Variants in EXOC6 observed in about 807,000 individuals in gnomAD.
EXOC6 encodes the protein exocyst complex component 6, also known as SEC15-like 1.
In EXOC6, 60 loss-of-function variants were observed where a neutral mutation model predicts 112.5. That is an observed-to-expected ratio of 0.53 (90% CI 0.43 to 0.66). EXOC6 has a LOEUF of 0.66. EXOC6 is among the 30% of genes least tolerant of loss of function. The probability of loss-of-function intolerance (pLI) is 0.00; values close to 1 mark genes in which losing one functional copy is unlikely to be tolerated. For synonymous variants in EXOC6, 295 were observed against 308.0 expected, an observed-to-expected ratio of 0.96 and a Z score of 0.44; for missense variants, 855 against 957.1, an observed-to-expected ratio of 0.89 and a Z score of 1.41.
intron 6 of EXOC6, among the ~76,000 whole-genome samples, chr10:92,914,125 G>T (rs1850952179): frequency 1.3e-5 from 2 of 152,174 alleles, no homozygotes; most frequent in South Asian, 4.1e-4. Flanking sequence ...TGCTAAAGAG[G>T]ATTACTGCCT....
At chr10:92,940,700 C>A in intron 12 of EXOC6, 27 bp from the exon 13 acceptor site, 2 of 1,251,142 alleles carry the variant, frequency 1.6e-6, no homozygotes, top group Non-Finnish European at 2.2e-6. Context: ...ACTTGTTTAT[C>A]TGCTTTTTTT....
chr10:92,966,962 CT>C (rs1181274718), intron 17 of EXOC6, among the ~76,000 whole-genome samples: 1 of 132,158 alleles, frequency 7.6e-6, no homozygotes, highest in African/African-American at 3.0e-5. Context: ...TGTTTCCTGA[CT>C]TTTTAATGAT....
intron 17 of EXOC6, among the ~76,000 whole-genome samples, chr10:92,965,962 G>A (rs541827126): frequency 2.8e-4 from 43 of 152,132 alleles, no homozygotes; most frequent in African/African-American, 1.0e-3. Flanking sequence ...GTGATTCCCT[G>A]ACATAGATTT....
intron 14 of EXOC6, among the ~76,000 whole-genome samples, chr10:92,949,661 C>T (rs1303425744): frequency 2.0e-5 from 3 of 150,732 alleles, no homozygotes; most frequent in Admixed American, 6.6e-5. Flanking sequence ...GGTGCCATCT[C>T]GGCTTACTGC....
At chr10:92,993,150 C>T (rs536604997) in intron 18 of EXOC6, among the ~76,000 whole-genome samples, 80 of 152,156 alleles carry the variant, frequency 5.3e-4, no homozygotes, top group Admixed American at 4.3e-3. Flanking sequence ...GATTTTATTT[C>T]GTTTTTCCTT....
intron 17 of EXOC6, among the ~76,000 whole-genome samples, chr10:92,967,796 G>A (rs1417723727): frequency 6.6e-6 from 1 of 152,156 alleles, no homozygotes; most frequent in Non-Finnish European, 1.5e-5. Flanking sequence ...AGCAGGTTGA[G>A]TATTTATGAG....
intron 19 of EXOC6, among the ~76,000 whole-genome samples, chr10:93,004,321 G>C (rs968114305): frequency 7.3e-5 from 11 of 150,390 alleles, no homozygotes; most frequent in Non-Finnish European, 1.6e-4. Context: ...AAGGTCTACA[G>C]ATGTTTGTTT....
intron 16 of EXOC6, among the ~76,000 whole-genome samples, 190 bp downstream of exon 16, chr10:92,954,931 C>T (rs1231637206): frequency 6.6e-6 from 1 of 152,128 alleles, no homozygotes; most frequent in African/African-American, 2.4e-5. Context: ...GTGGCTCATA[C>T]CTCTAATCCG....
At chr10:92,922,494 A>G (rs1054741274) in intron 8 of EXOC6, among the ~76,000 whole-genome samples, 1 of 152,242 alleles carries the variant, frequency 6.6e-6, no homozygotes, top group African/African-American at 2.4e-5. Flanking sequence ...AAAGGGTTAC[A>G]TTAATATGTA....
At chr10:93,055,170 AAATTTTCTTCC>A (rs1426057021) in intron 20 of EXOC6, among the ~76,000 whole-genome samples, 1 of 152,140 alleles carries the variant, frequency 6.6e-6, no homozygotes, top group East Asian at 1.9e-4. Context: ...ACGTTTTTGC[AAATTTTCTTCC>A]AGTCTTTTTG....
intron 17 of EXOC6, among the ~76,000 whole-genome samples, chr10:92,956,172 T>C (rs1002644212): frequency 6.6e-6 from 1 of 152,140 alleles, no homozygotes; most frequent in Non-Finnish European, 1.5e-5. Context: ...AGATTTCTGT[T>C]TGAATAATAT....
At chr10:92,990,812 C>T (rs1280653546) in intron 18 of EXOC6, among the ~76,000 whole-genome samples, 1 of 152,084 alleles carries the variant, frequency 6.6e-6, no homozygotes, top group Non-Finnish European at 1.5e-5. Context: ...TGACTGCACT[C>T]AGTCTCTGAG....
intron 20 of EXOC6, among the ~76,000 whole-genome samples, chr10:93,023,749 G>A (rs1464749987): frequency 6.6e-6 from 1 of 152,078 alleles, no homozygotes; most frequent in Non-Finnish European, 1.5e-5. Flanking sequence ...AGATGCATAT[G>A]TGAAATTCTT....
chr10:92,989,362 A>C (rs1589985198), intron 18 of EXOC6, among the ~76,000 whole-genome samples: 1 of 152,234 alleles, frequency 6.6e-6, no homozygotes, highest in African/African-American at 2.4e-5. Flanking sequence ...GCAATCTATT[A>C]TTCTCAGGCA....
chr10:92,991,029 G>A (rs1403229634), intron 18 of EXOC6, among the ~76,000 whole-genome samples: 1 of 152,010 alleles, frequency 6.6e-6, no homozygotes, highest in Non-Finnish European at 1.5e-5. Flanking sequence ...ATCTATGAAA[G>A]GGAAGCCAGT....
At chr10:93,038,974 A>G (rs1430683489) in intron 20 of EXOC6, among the ~76,000 whole-genome samples, 1 of 152,146 alleles carries the variant, frequency 6.6e-6, no homozygotes, top group African/African-American at 2.4e-5. Context: ...CTTTGCTAGC[A>G]CTTCAAAGGG....
intron 20 of EXOC6, among the ~76,000 whole-genome samples, chr10:93,025,471 G>C (rs1014295744): frequency 6.6e-6 from 1 of 152,102 alleles, no homozygotes; most frequent in Non-Finnish European, 1.5e-5. Flanking sequence ...GCTTTGCAGA[G>C]GAATATAAAA....
Position 93,058,373 on chromosome 10 carries a change from C to A in EXOC6, c.*18C>A. On this transcript the variant is annotated 3_prime_UTR_variant, in exon 22 of 22. Transcript: ENST00000260762. ...ACATGTAGACCTCACATGGCTTGCA[C>A]TCAGTGACACCAAATCCATGATTCA... 1.3e-6 allele frequency: 2 copies of A among 1,571,480 alleles called. No individual in the cohort carries two copies. Among genetic ancestry groups the A allele is most frequent in the Non-Finnish European group, 1.7e-6 (2 of 1,163,744 alleles).
At position 92,914,401 on chromosome 10, in the gene EXOC6, T is replaced by A. The variant is rs572768509; in HGVS notation, c.664-1357T>A. ...AAAGTTAAGCGGATTTCTTTACTTA[T>A]GAATTGTAAATCTCCTAGGAGGAGG... On this transcript the variant is annotated intron_variant, in intron 6 of 21. Transcript: ENST00000260762. Among the ~76,000 whole-genome samples, 13 of 152,372 alleles carry A rather than the reference T, an allele frequency of 8.5e-5. 1 individual carries two copies. The South Asian group carries it at 2.7e-3, about 32-fold the overall frequency.
Sources: gnomAD v4.1 joint callset for allele counts (sites outside exome capture counted in the v4.1 genomes callset) on GRCh38, gnomAD v4.1.1 for gene constraint, MANE v1.5 for transcripts, NCBI Gene and HGNC (gene_info 2026-07-23, HGNC 2026-07-21) for gene names.